The following NDP variants were observed in gnomAD, a reference collection of about 807,000 sequenced individuals.
NDP encodes the protein norrin cystine knot growth factor NDP.
NDP carries 2 observed loss-of-function variants against 8.4 expected under a neutral mutation model. That is an observed-to-expected ratio of 0.24 (90% CI 0.10 to 0.75). The LOEUF is 0.75. Among genes scored for constraint, NDP ranks in the 30% least tolerant of loss-of-function variants. NDP has a pLI of 0.73. For missense variants in NDP, 81 were observed against 110.1 expected, an observed-to-expected ratio of 0.74 and a Z score of 1.18; for synonymous variants, 55 against 45.6, an observed-to-expected ratio of 1.21 and a Z score of -0.83.
At chrX:43,970,694 G>T (rs1402643586) in intron 1 of NDP, among the ~76,000 whole-genome samples, 1 of 111,261 alleles carries the variant, frequency 9.0e-6, no homozygotes, top group East Asian at 2.8e-4. Flanking sequence ...GATACTGGGG[G>T]TGGGACAAGT....
At chrX:43,954,133 T>C (rs2035778293) in intron 2 of NDP, among the ~76,000 whole-genome samples, 2 of 112,091 alleles carry the variant, frequency 1.8e-5, no homozygotes, top group Non-Finnish European at 3.8e-5. Context: ...CTTATTTCCA[T>C]GGCACCTCTT....
In NDP at chrX:43,956,063, G is replaced by C. The variant is rs1353056288; in HGVS notation, c.174+2409C>G. Among the ~76,000 whole-genome samples the C allele has an allele frequency of 2.7e-5, 3 of 111,631 alleles. No homozygotes were observed. The East Asian group carries it at 8.4e-4, about 31-fold the overall frequency. On this transcript the variant is annotated intron_variant, in intron 2 of 2. Coordinates refer to ENST00000642620, the MANE Select transcript of NDP (RefSeq NM_000266.4). The stretch of plus-strand genomic sequence containing the variant: ...CCACTCCCTGGCTATATGATATCAA[G>C]CAATCTAATTATTTTGGGCTTCAGT...
intron 2 of NDP, among the ~76,000 whole-genome samples, chrX:43,955,696 T>A (rs1174545088): frequency 8.9e-6 from 1 of 112,303 alleles, no homozygotes; most frequent in Admixed American, 9.4e-5. Context: ...AGGCACATCC[T>A]AATCTGTGGC....
chrX:43,964,767 A>C (rs1387572083), intron 1 of NDP, among the ~76,000 whole-genome samples: 2 of 111,909 alleles, frequency 1.8e-5, no homozygotes, highest in African/African-American at 6.5e-5. Context: ...TGCCTTTTCT[A>C]GGACTCAATT....
intron 2 of NDP, among the ~76,000 whole-genome samples, chrX:43,957,584 T>A (rs1039340472): frequency 9.0e-6 from 1 of 110,630 alleles, no homozygotes; most frequent in African/African-American, 3.3e-5. Flanking sequence ...TTGGCTTATA[T>A]GGTCTTAATT....
chrX:43,963,409 T>G (rs1022088505), intron 1 of NDP, among the ~76,000 whole-genome samples: 1 of 111,853 alleles, frequency 8.9e-6, no homozygotes, highest in Non-Finnish European at 1.9e-5. Context: ...ATTGCATCAT[T>G]TCTAAGAAGA....
intron 2 of NDP, among the ~76,000 whole-genome samples, chrX:43,952,354 A>T (rs2035768099): frequency 9.0e-6 from 1 of 111,551 alleles, no homozygotes; most frequent in Admixed American, 9.5e-5. Flanking sequence ...TCTCATCTAG[A>T]TCATCTATTA....
chrX:43,960,963 C>G (rs1388867209), intron 1 of NDP: 1 of 112,088 alleles, frequency 8.9e-6, no homozygotes, highest in Non-Finnish European at 1.9e-5. Flanking sequence ...CAAGCTACAT[C>G]AATAACAAAA....
chrX:43,971,466 G>A (rs1207795517), intron 1 of NDP, among the ~76,000 whole-genome samples: 1 of 111,283 alleles, frequency 9.0e-6, no homozygotes, highest in Non-Finnish European at 1.9e-5. Flanking sequence ...CTCGAATTAA[G>A]ATTGAAAACT....
At chrX:43,953,075 T>C (rs1253201363) in intron 2 of NDP, among the ~76,000 whole-genome samples, 2 of 109,254 alleles carry the variant, frequency 1.8e-5, no homozygotes, top group Non-Finnish European at 3.8e-5. Flanking sequence ...ATTCAAATGC[T>C]CTTTCCTGGA....
chrX:43,952,878 C>T (rs2035770760), intron 2 of NDP, among the ~76,000 whole-genome samples: 1 of 111,505 alleles, frequency 9.0e-6, no homozygotes, highest in Admixed American at 9.5e-5. Flanking sequence ...TCCAGTCTTA[C>T]TTACAACTAT....
intron 1 of NDP, among the ~76,000 whole-genome samples, chrX:43,967,730 C>T (rs1013197754): frequency 6.3e-5 from 7 of 111,412 alleles, no homozygotes; most frequent in African/African-American, 2.3e-4. Flanking sequence ...GAGGACTCCA[C>T]GTTTAGGGCT....
chrX:43,960,426 G>A (rs760468981), intron 1 of NDP, among the ~76,000 whole-genome samples: 5 of 112,222 alleles, frequency 4.5e-5, no homozygotes, highest in East Asian at 5.6e-4. Flanking sequence ...CAAAGTTGAC[G>A]AGACCATATT....
chrX:43,957,659 G>A (rs1331879304), intron 2 of NDP, among the ~76,000 whole-genome samples: 2 of 109,467 alleles, frequency 1.8e-5, no homozygotes, highest in Non-Finnish European at 3.8e-5. Flanking sequence ...CTTGCCATAC[G>A]AGAATGTTTA....
intron 2 of NDP, among the ~76,000 whole-genome samples, chrX:43,953,635 C>G (rs1439674386): frequency 1.1e-5 from 1 of 91,954 alleles, no homozygotes; most frequent in Non-Finnish European, 2.3e-5. Context: ...TACAACAACC[C>G]TACAAGAAAG....
chrX:43,968,737 C>G (rs192315991), intron 1 of NDP, among the ~76,000 whole-genome samples: 115 of 112,333 alleles, frequency 1.0e-3, no homozygotes, highest in Non-Finnish European at 1.1e-3. Flanking sequence ...TTAAATAGAT[C>G]CTCTAGCCTA....
At position 43,949,508 on chromosome X, in the gene NDP, C is replaced by T. The variant is rs1316791689; in HGVS notation, c.*291G>A. 5 of 349,837 alleles carry T rather than the reference C, an allele frequency of 1.4e-5. No individual in the cohort carries two copies. Among genetic ancestry groups the T allele is most frequent in the African/African-American group, 2.6e-5 (1 of 38,562 alleles). 28.8% of individuals were successfully genotyped at this position (349,837 alleles called of 1,213,427 possible). ...GAGGGCCCACTTTTTCCCACTAATG[C>T]TGAATTGTTGGAAACCCAAACAGCA... On this transcript the variant is annotated 3_prime_UTR_variant, in exon 3 of 3. Transcript: ENST00000642620.
intron 1 of NDP, among the ~76,000 whole-genome samples, chrX:43,973,036 CAG>C (rs763830053): frequency 3.6e-5 from 4 of 112,655 alleles, no homozygotes; most frequent in Admixed American, 2.8e-4. Flanking sequence ...TCTAACTACG[CAG>C]AGAGTTTGAA....
At chrX:43,954,999 G>A (rs1160692317) in intron 2 of NDP, among the ~76,000 whole-genome samples, 1 of 111,110 alleles carries the variant, frequency 9.0e-6, no homozygotes, top group African/African-American at 3.3e-5. Context: ...TCCCCCTCCA[G>A]CCCCTCCTTC....
Sources: gnomAD v4.1 joint callset for allele counts (sites outside exome capture counted in the v4.1 genomes callset) on GRCh38, gnomAD v4.1.1 for gene constraint, MANE v1.5 for transcripts, NCBI Gene and HGNC (gene_info 2026-07-23, HGNC 2026-07-21) for gene names.